Variants in SORCS1 observed in about 807,000 individuals in gnomAD.
SORCS1 encodes the protein VPS10 domain-containing receptor SorCS1.
SORCS1 carries 60 observed loss-of-function variants against 146.1 expected under a neutral mutation model. That is an observed-to-expected ratio of 0.41 (90% CI 0.33 to 0.51). The LOEUF is 0.51. Ranked by LOEUF, SORCS1 falls within the 20% of genes least tolerant of loss-of-function variation. The pLI, the probability that SORCS1 is intolerant of heterozygous loss-of-function variation, is 0.21. For synonymous variants in SORCS1, 637 were observed against 584.0 expected, an observed-to-expected ratio of 1.09 and a Z score of -1.31; for missense variants, 1,352 against 1,487.6, an observed-to-expected ratio of 0.91 and a Z score of 1.50.
intron 12 of SORCS1, 29 bp from the exon 13 acceptor site, chr10:106,677,433 C>T: frequency 1.9e-6 from 3 of 1,554,248 alleles, no homozygotes; most frequent in Non-Finnish European, 2.7e-6. Context: ...TACATGGACA[C>T]ACATCCACAT....
At chr10:106,701,541 G>A (rs188018647) in intron 8 of SORCS1, among the ~76,000 whole-genome samples, 1 of 152,308 alleles carries the variant, frequency 6.6e-6, no homozygotes, top group Non-Finnish European at 1.5e-5. Context: ...ATCTGCTGGA[G>A]ATATATCTTG....
intron 4 of SORCS1, among the ~76,000 whole-genome samples, chr10:106,765,097 AG>A (rs1399628829): frequency 1.3e-5 from 2 of 152,072 alleles, no homozygotes; most frequent in Admixed American, 6.5e-5. Flanking sequence ...ATGTTGAAAA[AG>A]AACTGAAGGA....
chr10:106,960,462 T>C lies in SORCS1; in HGVS notation c.559-3882A>G, dbSNP rs1177375099. Among the ~76,000 whole-genome samples the C allele has an allele frequency of 6.6e-6, 1 of 151,832 alleles. No homozygotes were observed. Among genetic ancestry groups the C allele is most frequent in the African/African-American group, 2.4e-5 (1 of 41,280 alleles). On this transcript the variant is annotated intron_variant, in intron 1 of 25. Transcript: ENST00000263054. The surrounding 1 kb of genome is among the most constrained non-coding windows in gnomAD (Gnocchi z 4.4). Reference sequence around the variant, plus strand: ...GCTCTGTCGCCAGGCTGGAGTGCAGTGGCGTGATCTCGGCTCACTGCAACC... The same window carrying C: ...GCTCTGTCGCCAGGCTGGAGTGCAGCGGCGTGATCTCGGCTCACTGCAACC...
chr10:106,907,796 G>A (rs145814034), intron 2 of SORCS1, among the ~76,000 whole-genome samples: 2,684 of 151,810 alleles, frequency 0.018, 78 homozygotes, highest in East Asian at 0.11. Flanking sequence ...GCATGGTGGT[G>A]CGCACCTATA....
At chr10:107,004,034 G>T (rs910834221) in intron 1 of SORCS1, among the ~76,000 whole-genome samples, 5 of 151,972 alleles carry the variant, frequency 3.3e-5, no homozygotes, top group African/African-American at 1.2e-4. Flanking sequence ...AATTAGCCAG[G>T]CGTGGTGGCT....
chr10:106,802,247 T>A (rs1177061878), intron 3 of SORCS1, among the ~76,000 whole-genome samples: 1 of 152,134 alleles, frequency 6.6e-6, no homozygotes, highest in Admixed American at 6.5e-5. Flanking sequence ...ATGAGAGTGA[T>A]AAGGTGAGCC....
At chr10:106,737,831 C>T (rs941752492) in intron 5 of SORCS1, among the ~76,000 whole-genome samples, 1 of 152,124 alleles carries the variant, frequency 6.6e-6, no homozygotes, top group Non-Finnish European at 1.5e-5. Flanking sequence ...TGCACTTCAA[C>T]TGATCAAAAA....
chr10:106,984,597 G>C (rs751317541), intron 1 of SORCS1, among the ~76,000 whole-genome samples: 8 of 151,742 alleles, frequency 5.3e-5, no homozygotes, highest in Admixed American at 1.3e-4. Context: ...GTTTCACCGT[G>C]TTAGCCAGGA....
intron 5 of SORCS1, among the ~76,000 whole-genome samples, chr10:106,748,506 C>T (rs1209285441): frequency 6.6e-6 from 1 of 152,124 alleles, no homozygotes; most frequent in Non-Finnish European, 1.5e-5. Flanking sequence ...CCTCAGGCCT[C>T]CCTATTCCCC....
intron 3 of SORCS1, among the ~76,000 whole-genome samples, chr10:106,823,112 T>C (rs919228340): frequency 6.6e-6 from 1 of 152,086 alleles, no homozygotes; most frequent in East Asian, 1.9e-4. Flanking sequence ...CATACATCCT[T>C]GTTAAAAAGA....
intron 3 of SORCS1, among the ~76,000 whole-genome samples, chr10:106,810,510 G>C (rs989158094): frequency 2.0e-5 from 3 of 152,154 alleles, no homozygotes; most frequent in African/African-American, 7.2e-5. Flanking sequence ...CTGTGCTAAG[G>C]AATAAAGTTA....
rs544779490 is a variant in SORCS1 at position 106,896,120 on chromosome 10, G to T, written c.626+60393C>A. Among the ~76,000 whole-genome samples, 18 of 152,238 alleles carry T rather than the reference G, an allele frequency of 1.2e-4. No individual in the cohort carries two copies. The East Asian group carries it at 2.9e-3, about 25-fold the overall frequency. The stretch of plus-strand genomic sequence containing the variant: ...CTACTTACATGAGGTATCTAAAGTA[G>T]TCAAATTCATAGAAATGAAAAGTAG... On this transcript the variant is annotated intron_variant, in intron 2 of 25. Coordinates refer to ENST00000263054, the MANE Select transcript of SORCS1 (RefSeq NM_052918.5).
At chr10:106,883,450 T>C (rs1361278732) in intron 2 of SORCS1, among the ~76,000 whole-genome samples, 1 of 150,998 alleles carries the variant, frequency 6.6e-6, no homozygotes, top group Non-Finnish European at 1.5e-5. Context: ...AGTCTTGCTC[T>C]ATCACCCAGG....
At position 106,778,618 on chromosome 10, in the gene SORCS1, CAAAT is replaced by C. The variant is rs1210697266; in HGVS notation, c.727-1930_727-1927del. Among the ~76,000 whole-genome samples, 3 of 152,180 alleles carry C rather than the reference CAAAT, an allele frequency of 2.0e-5. No homozygotes were observed. The East Asian group carries it at 5.8e-4, about 29-fold the overall frequency. ...ATAAAACCTGTCATTTTTTGAATAA[CAAAT>C]AAGCCATCAAATGATCATATTGTTT... On this transcript the variant is annotated intron_variant, in intron 3 of 25. Coordinates refer to ENST00000263054, the MANE Select transcript of SORCS1 (RefSeq NM_052918.5).
intron 3 of SORCS1, among the ~76,000 whole-genome samples, chr10:106,820,929 G>C (rs2136917890): frequency 6.6e-6 from 1 of 152,314 alleles, no homozygotes; most frequent in African/African-American, 2.4e-5. Flanking sequence ...CTTCATAAAA[G>C]GGTAATGGAT....
At chr10:106,880,855 G>A (rs534081415) in intron 2 of SORCS1, among the ~76,000 whole-genome samples, 47 of 152,096 alleles carry the variant, frequency 3.1e-4, no homozygotes, top group African/African-American at 8.9e-4. Flanking sequence ...TTGGGAGGCC[G>A]AGGCGGGCGG....
chr10:106,926,828 TACAC>T (rs869163147), intron 2 of SORCS1, among the ~76,000 whole-genome samples: 95 of 29,604 alleles, frequency 3.2e-3, no homozygotes, highest in South Asian at 5.9e-3. Context: ...GGAATATATA[TACAC>T]ACACACACAC....
chr10:106,628,956 C>G (rs1848265028), intron 19 of SORCS1, among the ~76,000 whole-genome samples: 1 of 152,120 alleles, frequency 6.6e-6, no homozygotes, highest in Non-Finnish European at 1.5e-5. Flanking sequence ...CTTCAAGGCA[C>G]CCGGGGTAAG....
At chr10:106,636,450 C>G (rs12258012) in intron 18 of SORCS1, among the ~76,000 whole-genome samples, 1,966 of 152,200 alleles carry the variant, frequency 0.013, 47 homozygotes, top group African/African-American at 0.046. Flanking sequence ...CTGCCTGAGA[C>G]TGGGTAATTT....
Sources: allele counts gnomAD v4.1 joint callset (sites outside exome capture counted in the v4.1 genomes callset), GRCh38; gene constraint gnomAD v4.1.1; non-coding constraint Gnocchi (gnomAD v3.1); transcripts MANE v1.5; gene names NCBI Gene and HGNC (gene_info 2026-07-23, HGNC 2026-07-21).